Variants in RAP1GAP2 observed in about 807,000 individuals in gnomAD.
The protein encoded by RAP1GAP2 is RAP1 GTPase activating protein 2, also known as rap1 GTPase-activating protein 2.
RAP1GAP2 carries 27 observed loss-of-function variants against 95.0 expected under a neutral mutation model. The observed-to-expected ratio is 0.28, with a 90% CI of 0.21 to 0.39. The LOEUF (loss-of-function observed/expected upper bound fraction) is 0.39. Among genes scored for constraint, RAP1GAP2 ranks in the 10% least tolerant of loss-of-function variants. RAP1GAP2 has a pLI of 1.00. For missense variants in RAP1GAP2, 771 were observed against 970.0 expected, an observed-to-expected ratio of 0.79 and a Z score of 2.72; for synonymous variants, 373 against 380.9, an observed-to-expected ratio of 0.98 and a Z score of 0.24.
upstream of RAP1GAP2, among the ~76,000 whole-genome samples, chr17:2,772,855 C>CTTTCTTTTTTTTTTTTTTTTTTT (rs1555540245): frequency 7.9e-6 from 1 of 126,040 alleles, no homozygotes; most frequent in Non-Finnish European, 1.7e-5. Context: ...TTCTTTCTTT[C>CTTTCTTTTTTTTTTTTTTTTTTT]TTTTTTTTTT....
intron 2 of RAP1GAP2, among the ~76,000 whole-genome samples, chr17:2,849,999 C>T (rs5000706): frequency 0.42 from 55,229 of 132,374 alleles, 11,629 homozygotes; most frequent in East Asian, 0.45. Context: ...ACACTGCCTG[C>T]TTTTTTTTTT....
intron 2 of RAP1GAP2, among the ~76,000 whole-genome samples, chr17:2,834,639 A>G (rs150045068): frequency 6.6e-6 from 1 of 152,148 alleles, no homozygotes; most frequent in African/African-American, 2.4e-5. Flanking sequence ...TCTACAAAAA[A>G]TACAAAAATT....
intron 2 of RAP1GAP2, among the ~76,000 whole-genome samples, chr17:2,862,904 G>A (rs572712970): frequency 1.3e-5 from 2 of 151,420 alleles, no homozygotes; most frequent in South Asian, 4.2e-4. Context: ...GGCTGAGGCA[G>A]GAGAATTGCT....
chr17:2,942,290 C>T (rs543587135), intron 3 of RAP1GAP2, among the ~76,000 whole-genome samples: 1 of 152,252 alleles, frequency 6.6e-6, no homozygotes, highest in East Asian at 1.9e-4. Flanking sequence ...ACAGAGGATA[C>T]CTTGGGACTT....
At chr17:2,983,184 T>A (rs1292078251) in intron 10 of RAP1GAP2, among the ~76,000 whole-genome samples, 1 of 152,198 alleles carries the variant, frequency 6.6e-6, no homozygotes, top group Non-Finnish European at 1.5e-5. Context: ...TCCTGGTTTG[T>A]TCTTCCTCTC....
In RAP1GAP2 at chr17:3,011,966, TC is replaced by T. The variant is rs772463324; in HGVS notation, c.1494+3825del. Among the ~76,000 whole-genome samples the T allele has an allele frequency of 1.1e-4, 17 of 152,174 alleles. 1 individual carries two copies. The highest frequency in any genetic ancestry group is 5.2e-4 in the Admixed American group (8 of 15,288). The stretch of plus-strand genomic sequence containing the variant: ...AGGCTGATGGGAGCATAACTGAGAA[TC>T]CCCAGGGCTGAAAGCCATCTCAGCC... On this transcript the variant is annotated intron_variant, in intron 17 of 24. Coordinates refer to ENST00000254695, the MANE Select transcript of RAP1GAP2 (RefSeq NM_015085.5).
chr17:3,005,972 G>A lies in RAP1GAP2; in HGVS notation c.1290G>A (p.Glu430=). The change falls in exon 16 of 25, where the codon GAG becomes GAA. Residue 430 remains glutamate (E), a synonymous_variant. Transcript: ENST00000254695. The surrounding 1 kb of genome is among the most constrained non-coding windows in gnomAD (Gnocchi z 5.2). ...TCTTCCAGGGCCCGGAATTCAGGGA[G>A]TTTCTGCTCACCAAGCTCACCAATG... The part of the protein sequence containing the change: ...PVFQKGPEFR[E]FLLTKLTNAE... The A allele has an allele frequency of 1.9e-6, 3 of 1,613,922 alleles. No individual in the cohort carries two copies. The highest frequency in any genetic ancestry group is 1.7e-4 in the Middle Eastern group (1 of 6,060).
chr17:2,758,639 C>T (rs1041852014), intron 1 of RAP1GAP2, among the ~76,000 whole-genome samples: 3 of 152,102 alleles, frequency 2.0e-5, no homozygotes, highest in Non-Finnish European at 4.4e-5. Context: ...CATGCTCCAG[C>T]CATGGCCAGC....
At chr17:2,764,472 T>C (rs2068240732) in intron 1 of RAP1GAP2, among the ~76,000 whole-genome samples, 2 of 147,624 alleles carry the variant, frequency 1.4e-5, no homozygotes, top group African/African-American at 5.0e-5. Context: ...CCTGTAATCC[T>C]AGCACTTTGG....
intron 13 of RAP1GAP2, among the ~76,000 whole-genome samples, chr17:2,996,608 C>G (rs1312616074): frequency 3.3e-5 from 5 of 152,170 alleles, no homozygotes; most frequent in Non-Finnish European, 7.3e-5. Context: ...AACCTTTCAC[C>G]TCCAGCCCCT....
chr17:2,782,035 G>C (rs892909531), intron 1 of RAP1GAP2, among the ~76,000 whole-genome samples: 1 of 152,228 alleles, frequency 6.6e-6, no homozygotes, highest in Non-Finnish European at 1.5e-5. Flanking sequence ...CACCTACTGG[G>C]TGTCTCCAGG....
chr17:2,956,335 C>G (rs1019818269), intron 3 of RAP1GAP2, among the ~76,000 whole-genome samples: 1 of 152,188 alleles, frequency 6.6e-6, no homozygotes, highest in Admixed American at 6.5e-5. Flanking sequence ...GCCTCTGACA[C>G]GCTGGCTTTG....
intron 2 of RAP1GAP2, among the ~76,000 whole-genome samples, chr17:2,889,209 A>T (rs12937958): frequency 2.6e-5 from 4 of 152,100 alleles, no homozygotes; most frequent in South Asian, 4.1e-4. Context: ...ATCGTGTCTC[A>T]GGCTCTTGAG....
chr17:2,858,105 A>C lies in RAP1GAP2; in HGVS notation c.81-47179A>C, dbSNP rs952263469. 8.2e-4 allele frequency among the ~76,000 whole-genome samples: 125 copies of C among 152,174 alleles called. 1 individual carries two copies. Among genetic ancestry groups the C allele is most frequent in the Non-Finnish European group, 6.6e-4 (45 of 68,026 alleles). On this transcript the variant is annotated intron_variant, in intron 2 of 24. Coordinates refer to ENST00000254695, the MANE Select transcript of RAP1GAP2 (RefSeq NM_015085.5). ...ACACAGCGAGACTCTGTCTCAAAAA[A>C]AAGGTACGTTCTGAAAGATGTGGAT...
At chr17:3,010,336 C>CA (rs1179623628) in intron 17 of RAP1GAP2, among the ~76,000 whole-genome samples, 7,397 of 69,998 alleles carry the variant, frequency 0.11, 536 homozygotes, top group East Asian at 0.26. Context: ...GAGACTGTCT[C>CA]AAAAAAAAAA....
chr17:2,936,597 C>G (rs2043318615), intron 3 of RAP1GAP2, among the ~76,000 whole-genome samples: 1 of 152,092 alleles, frequency 6.6e-6, no homozygotes, highest in Non-Finnish European at 1.5e-5. Context: ...TTTAGTTACC[C>G]TCCCCCGGTG....
At chr17:2,810,359 C>CT (rs755331252) in intron 2 of RAP1GAP2, among the ~76,000 whole-genome samples, 52 of 144,480 alleles carry the variant, frequency 3.6e-4, no homozygotes, top group Admixed American at 8.3e-4. Context: ...TCAAATTAGT[C>CT]GTTTTTTTTT....
chr17:2,887,436 G>A (rs1217662480), intron 2 of RAP1GAP2, among the ~76,000 whole-genome samples: 6 of 150,882 alleles, frequency 4.0e-5, no homozygotes, highest in East Asian at 3.9e-4. Flanking sequence ...GTGCAATGGC[G>A]TGATCTCGGC....
intron 3 of RAP1GAP2, among the ~76,000 whole-genome samples, chr17:2,931,256 A>G (rs573799778): frequency 2.1e-4 from 31 of 148,142 alleles, no homozygotes; most frequent in African/African-American, 7.9e-4. Flanking sequence ...CTAGGCGTGT[A>G]TGTTTGCCAT....
Sources: allele counts gnomAD v4.1 joint callset (sites outside exome capture counted in the v4.1 genomes callset), GRCh38; gene constraint gnomAD v4.1.1; non-coding constraint Gnocchi (gnomAD v3.1); transcripts MANE v1.5; gene names NCBI Gene and HGNC (gene_info 2026-07-23, HGNC 2026-07-21).